The following USP54 variants were observed in gnomAD, a reference collection of about 807,000 sequenced individuals.
USP54 encodes ubiquitin specific peptidase 54.
Under a neutral mutation model 170.5 loss-of-function variants are expected in USP54, and 87 were observed. The observed-to-expected ratio is 0.51, with a 90% CI of 0.43 to 0.61. The LOEUF (loss-of-function observed/expected upper bound fraction) is 0.61. USP54 is among the 20% of genes least tolerant of loss of function. USP54 has a pLI of 0.00. For missense variants in USP54, 1,786 were observed against 2,047.8 expected, an observed-to-expected ratio of 0.87 and a Z score of 2.47; for synonymous variants, 655 against 742.8, an observed-to-expected ratio of 0.88 and a Z score of 1.92.
chr10:73,610,301 C>G (rs980979145), intron 1 of USP54, among the ~76,000 whole-genome samples: 1 of 152,192 alleles, frequency 6.6e-6, no homozygotes, highest in African/African-American at 2.4e-5. Flanking sequence ...ATAATTGTCA[C>G]TGACTTCCTG....
intron 10 of USP54, 107 bp from the exon 11 acceptor site, chr10:73,536,544 A>G (rs2065245919): frequency 1.5e-6 from 2 of 1,302,534 alleles, no homozygotes; most frequent in African/African-American, 1.5e-5. Context: ...AGATGAAAAG[A>G]TAAGAATTGG....
At chr10:73,526,257 T>C (rs1047503592) in intron 16 of USP54, among the ~76,000 whole-genome samples, 4 of 151,348 alleles carry the variant, frequency 2.6e-5, no homozygotes, top group Non-Finnish European at 4.4e-5. Context: ...AACTGTCCTC[T>C]TTTTTTTTGA....
chr10:73,545,308 G>T (rs2067542918), intron 5 of USP54, among the ~76,000 whole-genome samples: 1 of 152,182 alleles, frequency 6.6e-6, no homozygotes, highest in African/African-American at 2.4e-5. Flanking sequence ...CTCTGAAGGT[G>T]AGAGCTGATG....
chr10:73,589,406 G>A (rs567778581), intron 1 of USP54, among the ~76,000 whole-genome samples: 1 of 152,298 alleles, frequency 6.6e-6, no homozygotes, highest in Admixed American at 6.5e-5. Context: ...AGTAATAGCA[G>A]TGGTTAAAGG....
rs577114780 is a variant in USP54, at chr10:73,619,187, C to T, written c.-18+6380G>A. Among the ~76,000 whole-genome samples, 9 of 150,138 alleles carry T rather than the reference C, an allele frequency of 6.0e-5. No individual in the cohort carries two copies. The East Asian group carries it at 1.7e-3, about 29-fold the overall frequency. ...CTGGGCGATGGAGCAAGACTTGTCT[C>T]AAAAAAAGCAAAACAAAACAAACAA... On this transcript the variant is annotated intron_variant, in intron 1 of 22. Transcript: ENST00000339859.
At chr10:73,616,053 GA>G (rs2080604527) in intron 1 of USP54, among the ~76,000 whole-genome samples, 1 of 150,076 alleles carries the variant, frequency 6.7e-6, no homozygotes, top group South Asian at 2.1e-4. Flanking sequence ...TAAAAATACA[GA>G]AATTACTTAA....
chr10:73,520,865 G>A, intron 18 of USP54, 43 bp downstream of exon 18: 1 of 1,613,366 alleles, frequency 6.2e-7, no homozygotes, highest in Non-Finnish European at 8.5e-7. Flanking sequence ...CTATTGTGAA[G>A]TTAGTCAAAA....
intron 21 of USP54, 88 bp from the exon 22 acceptor site, chr10:73,505,078 G>C: frequency 1.3e-6 from 2 of 1,575,222 alleles, no homozygotes; most frequent in Non-Finnish European, 1.7e-6. Context: ...ATGGGAAAGA[G>C]TAGGGGAAGA....
chr10:73,499,219 G>A (rs774600959), intron 23 of USP54, 31 bp from the exon 24 acceptor site: 4 of 1,552,724 alleles, frequency 2.6e-6, no homozygotes, highest in Non-Finnish European at 2.6e-6. Context: ...CAAAGACTGA[G>A]CATCTTCAGA....
intron 1 of USP54, among the ~76,000 whole-genome samples, chr10:73,619,532 CAA>C (rs536966553): frequency 1.8e-4 from 18 of 97,556 alleles, no homozygotes; most frequent in Admixed American, 3.3e-4. Context: ...GACTCCATCT[CAA>C]AAAAAAAAAA....
At chr10:73,524,911 A>C (rs1418870902) in intron 16 of USP54, among the ~76,000 whole-genome samples, 1 of 152,202 alleles carries the variant, frequency 6.6e-6, no homozygotes, top group African/African-American at 2.4e-5. Flanking sequence ...AGGTGCTGTC[A>C]CTGACTGACT....
chr10:73,518,327 T>A, intron 19 of USP54: 1 of 782,844 alleles, frequency 1.3e-6, no homozygotes, highest in Admixed American at 6.2e-5. Context: ...GTTCTATTAG[T>A]CACTGAGATG....
chr10:73,552,805 CAA>C (rs900626212), intron 4 of USP54, among the ~76,000 whole-genome samples: 2 of 152,016 alleles, frequency 1.3e-5, no homozygotes, highest in Admixed American at 1.3e-4. Flanking sequence ...AAAAAACAAA[CAA>C]AAATATAAAT....
At chr10:73,557,264 T>C (rs1169322663) in intron 4 of USP54, among the ~76,000 whole-genome samples, 1 of 151,660 alleles carries the variant, frequency 6.6e-6, no homozygotes, top group African/African-American at 2.4e-5. Flanking sequence ...TTTAGTGATA[T>C]GAGATAGAAT....
chr10:73,533,219 T>C (rs1350755854), intron 12 of USP54, among the ~76,000 whole-genome samples: 1 of 151,522 alleles, frequency 6.6e-6, no homozygotes, highest in Non-Finnish European at 1.5e-5. Context: ...GGCAGGAGAA[T>C]GGCATGAACC....
chr10:73,503,042 C>G (rs1270101398), intron 22 of USP54, among the ~76,000 whole-genome samples: 1 of 152,168 alleles, frequency 6.6e-6, no homozygotes, highest in Non-Finnish European at 1.5e-5. Flanking sequence ...ATCGACTTAT[C>G]TCTATCCTTC....
At chr10:73,592,106 C>A (rs1054058036), upstream of USP54, among the ~76,000 whole-genome samples, 3 of 151,924 alleles carry the variant, frequency 2.0e-5, no homozygotes, top group East Asian at 5.8e-4. Flanking sequence ...CAGAGTCCCA[C>A]CCCCAAACAT....
chr10:73,587,442 TCCAGCCTG>T (rs1382471210), intron 1 of USP54, among the ~76,000 whole-genome samples: 2 of 151,708 alleles, frequency 1.3e-5, no homozygotes, highest in Non-Finnish European at 2.9e-5. Context: ...GCCACTGCAC[TCCAGCCTG>T]GGCAACAGAG....
Position 73,616,335 on chromosome 10 carries a change from CAAA to C in USP54, c.-18+9229_-18+9231del, listed in dbSNP as rs60197778. ...CCTAGGCGACAGCAAGACTCCATCT[CAAA>C]AAAAAAAAAAAAAAAAAAAAAAAAT... On this transcript the variant is annotated intron_variant, in intron 1 of 22. Coordinates refer to the USP54 transcript ENST00000339859. Among the ~76,000 whole-genome samples, 160 of 25,728 alleles carry C rather than the reference CAAA, an allele frequency of 6.2e-3. 1 individual carries two copies. The highest frequency in any genetic ancestry group is 0.026 in the African/African-American group (145 of 5,584). 16.9% of individuals were successfully genotyped at this position (25,728 alleles called of 152,430 possible). A position where few individuals can be genotyped will look rare whatever the true frequency, so the allele number is the denominator to read the frequency against.
Sources: gnomAD v4.1 joint callset for allele counts (sites outside exome capture counted in the v4.1 genomes callset) on GRCh38, gnomAD v4.1.1 for gene constraint, MANE v1.5 for transcripts, NCBI Gene and HGNC (gene_info 2026-07-23, HGNC 2026-07-21) for gene names.